The following FCHSD2 variants were observed in gnomAD, a reference collection of about 807,000 sequenced individuals.
FCHSD2 encodes F-BAR and double SH3 domains protein 2.
A neutral mutation model predicts 108.1 loss-of-function variants in FCHSD2; 38 were observed. The ratio of observed to expected loss-of-function variants is 0.35; its 90% CI spans 0.27 to 0.46. FCHSD2 has a LOEUF of 0.46. Among genes scored for constraint, FCHSD2 ranks in the 20% least tolerant of loss-of-function variants. FCHSD2 has a pLI of 1.00. For missense variants in FCHSD2, 751 were observed against 897.8 expected, an observed-to-expected ratio of 0.84 and a Z score of 2.09; for synonymous variants, 279 against 314.7, an observed-to-expected ratio of 0.89 and a Z score of 1.20.
chr11:73,109,685 CTCTT>C (rs764566114), intron 2 of FCHSD2, among the ~76,000 whole-genome samples: 4 of 152,136 alleles, frequency 2.6e-5, no homozygotes, highest in Admixed American at 6.5e-5. Flanking sequence ...ACTTTGGATG[CTCTT>C]TCTTTCTCTT....
chr11:72,869,114 C>T (rs1472246901), intron 12 of FCHSD2, among the ~76,000 whole-genome samples: 2 of 151,978 alleles, frequency 1.3e-5, no homozygotes, highest in Non-Finnish European at 2.9e-5. Context: ...GCCAAGTTGG[C>T]CAGGCTGGTG....
intron 3 of FCHSD2, among the ~76,000 whole-genome samples, chr11:73,075,875 A>G (rs576750981): frequency 4.6e-5 from 7 of 150,826 alleles, no homozygotes; most frequent in Admixed American, 2.6e-4. Flanking sequence ...TCCCATCACA[A>G]TGGGAGGCCA....
At chr11:73,038,133 CAGG>C (rs1454207812) in intron 3 of FCHSD2, among the ~76,000 whole-genome samples, 1 of 151,912 alleles carries the variant, frequency 6.6e-6, no homozygotes, top group African/African-American at 2.4e-5. Flanking sequence ...TGCTTGAGGC[CAGG>C]AGTTCAAGCC....
At chr11:73,021,982 G>C (rs570792588) in intron 3 of FCHSD2, among the ~76,000 whole-genome samples, 4 of 151,928 alleles carry the variant, frequency 2.6e-5, no homozygotes, top group Admixed American at 2.0e-4. Context: ...TGGCAGGAGA[G>C]GGAGAGGAGA....
chr11:72,901,969 GGTT>G (rs1442705912), intron 10 of FCHSD2, among the ~76,000 whole-genome samples: 2 of 151,852 alleles, frequency 1.3e-5, no homozygotes, highest in Non-Finnish European at 2.9e-5. Flanking sequence ...CTGCCTCCCA[GGTT>G]CAAGTGATTC....
chr11:72,918,042 A>G (rs1005135809), intron 9 of FCHSD2, among the ~76,000 whole-genome samples: 5 of 152,176 alleles, frequency 3.3e-5, no homozygotes, highest in Admixed American at 6.5e-5. Context: ...AACATTTATT[A>G]TATGCATTTA....
At chr11:72,929,505 T>C (rs1453144154) in intron 8 of FCHSD2, among the ~76,000 whole-genome samples, 3 of 152,134 alleles carry the variant, frequency 2.0e-5, no homozygotes, top group Admixed American at 6.5e-5. Flanking sequence ...GATACAAAAA[T>C]TAAGAAACAG....
At chr11:73,024,730 C>T (rs534175803) in intron 3 of FCHSD2, among the ~76,000 whole-genome samples, 13 of 152,154 alleles carry the variant, frequency 8.5e-5, no homozygotes, top group African/African-American at 3.1e-4. Context: ...GAAAATACTG[C>T]AAACTACGCA....
At position 73,112,807 on chromosome 11, in the gene FCHSD2, C is replaced by T. The variant is rs140230474; in HGVS notation, c.119+27224G>A. Among the ~76,000 whole-genome samples, 739 of 152,230 alleles carry T rather than the reference C, an allele frequency of 4.9e-3. 5 individuals are homozygous for T. The highest frequency in any genetic ancestry group is 0.017 in the African/African-American group (717 of 41,554). On this transcript the variant is annotated intron_variant, in intron 2 of 19. Transcript: ENST00000409418. ...GGGGTTACAGGCATACACTATCATGCCTGGCTAACATTTATTTATTTACTT... is the reference window on the plus strand; with the variant it reads ...GGGGTTACAGGCATACACTATCATGTCTGGCTAACATTTATTTATTTACTT...
chr11:72,907,088 A>G (rs1302156555), intron 9 of FCHSD2, among the ~76,000 whole-genome samples: 1 of 151,932 alleles, frequency 6.6e-6, no homozygotes, highest in Non-Finnish European at 1.5e-5. Flanking sequence ...ATTCCTAGGT[A>G]TTTTATTCAC....
intron 12 of FCHSD2, among the ~76,000 whole-genome samples, chr11:72,876,445 T>C (rs1455228931): frequency 2.0e-5 from 3 of 152,258 alleles, no homozygotes; most frequent in Admixed American, 2.0e-4. Context: ...CAGATTACTG[T>C]GTTTGAACAA....
At chr11:72,985,908 C>A (rs943826863) in intron 6 of FCHSD2, among the ~76,000 whole-genome samples, 1 of 152,038 alleles carries the variant, frequency 6.6e-6, no homozygotes, top group African/African-American at 2.4e-5. Flanking sequence ...TTTAAAGCTG[C>A]AATGTTTGTC....
chr11:73,090,959 T>C (rs193214932), intron 2 of FCHSD2, among the ~76,000 whole-genome samples: 11 of 152,326 alleles, frequency 7.2e-5, no homozygotes, highest in Admixed American at 2.0e-4. Flanking sequence ...ACTACTAATC[T>C]AATTTTTTGT....
intron 12 of FCHSD2, among the ~76,000 whole-genome samples, chr11:72,876,348 A>G (rs1346808453): frequency 1.3e-5 from 2 of 152,102 alleles, no homozygotes. Context: ...ATAAAAGGAA[A>G]TGCATAGTCA....
chr11:72,918,387 C>T (rs1001503082), intron 9 of FCHSD2, among the ~76,000 whole-genome samples: 11 of 151,816 alleles, frequency 7.2e-5, no homozygotes, highest in Non-Finnish European at 1.6e-4. Flanking sequence ...TTTTTCTTAC[C>T]GAATTGCCCT....
chr11:72,993,909 A>AAAAT (rs1018916892), intron 5 of FCHSD2, among the ~76,000 whole-genome samples: 26 of 152,304 alleles, frequency 1.7e-4, no homozygotes, highest in Middle Eastern at 3.4e-3. Context: ...AAGTATAATA[A>AAAAT]AAATAAATAA....
At chr11:73,125,656 G>C (rs1427882601) in intron 2 of FCHSD2, among the ~76,000 whole-genome samples, 1 of 151,956 alleles carries the variant, frequency 6.6e-6, no homozygotes, top group African/African-American at 2.4e-5. Context: ...AGTGAGCCAT[G>C]ACCGCACCAC....
chr11:72,896,787 A>AAAG (rs1555049872), intron 10 of FCHSD2, among the ~76,000 whole-genome samples: 2 of 150,288 alleles, frequency 1.3e-5, no homozygotes, highest in African/African-American at 4.9e-5. Flanking sequence ...AAAAAAAAAA[A>AAAG]AAAGAAAGAA....
chr11:72,913,330 GCAATCCTGACT>G (rs1220205452), intron 9 of FCHSD2, among the ~76,000 whole-genome samples: 1 of 152,114 alleles, frequency 6.6e-6, no homozygotes, highest in African/African-American at 2.4e-5. Flanking sequence ...GTGCAGCAGT[GCAATCCTGACT>G]CACTGCAAAC....
Sources: gnomAD v4.1 joint callset for allele counts (sites outside exome capture counted in the v4.1 genomes callset) on GRCh38, gnomAD v4.1.1 for gene constraint, MANE v1.5 for transcripts, NCBI Gene and HGNC (gene_info 2026-07-23, HGNC 2026-07-21) for gene names.